The following PIEZO2 variants were observed in gnomAD, a reference collection of about 807,000 sequenced individuals.
The protein encoded by PIEZO2 is piezo-type mechanosensitive ion channel component 2.
PIEZO2 carries 172 observed loss-of-function variants against 337.3 expected under a neutral mutation model. That is an observed-to-expected ratio of 0.51 (90% CI 0.45 to 0.58). The LOEUF (loss-of-function observed/expected upper bound fraction) is 0.58. Ranked by LOEUF, PIEZO2 falls within the 20% of genes least tolerant of loss-of-function variation. The pLI is 0.00. For missense variants in PIEZO2, 3,028 were observed against 3,391.3 expected, an observed-to-expected ratio of 0.89 and a Z score of 2.66; for synonymous variants, 1,251 against 1,228.5, an observed-to-expected ratio of 1.02 and a Z score of -0.38.
intron 1 of PIEZO2, among the ~76,000 whole-genome samples, chr18:11,084,296 A>T (rs6416986): frequency 0.4 from 60,371 of 152,004 alleles, 12,421 homozygotes; most frequent in South Asian, 0.59. Flanking sequence ...TGTTGAATCA[A>T]TCAAATTTTG....
intron 3 of PIEZO2, among the ~76,000 whole-genome samples, chr18:10,915,806 TCACTGACTTCAAGAATG>T (rs1413229833): frequency 6.6e-6 from 1 of 152,174 alleles, no homozygotes; most frequent in Non-Finnish European, 1.5e-5. Flanking sequence ...GTTCTTGGTC[TCACTGACTTCAAGAATG>T]AAGCCGCAGA....
Position 10,697,845 on chromosome 18 carries a change from T to A in PIEZO2, c.6730A>T (p.Ser2244Cys). 9.3e-6 allele frequency: 15 copies of A among 1,614,126 alleles called. No individual in the cohort carries two copies. The highest frequency in any genetic ancestry group is 1.3e-5 in the Non-Finnish European group (15 of 1,179,966). Residue 2244 changes from serine to cysteine, a missense_variant, in exon 45 of 56, where the codon AGC becomes TGC. Around this residue, in one of 5 missense-constraint regions of PIEZO2, gnomAD observed 1,925 missense variants for 2,051.9 expected, o/e 0.94. Transcript: ENST00000674853. ...TTTTGCTTAATACTCAAAACACTGC[T>A]TCCTTTTTGACTGCTGTTTCGGGTG... Reference protein sequence around the residue: ...TSTRNSSQKGSSVLSIKQKGK... With the variant: ...TSTRNSSQKGCSVLSIKQKGK...
intron 31 of PIEZO2, among the ~76,000 whole-genome samples, chr18:10,743,029 G>A (rs997942261): frequency 3.9e-5 from 6 of 152,092 alleles, no homozygotes; most frequent in Non-Finnish European, 7.4e-5. Context: ...ATTTAGCAAA[G>A]AGAATTACAG....
At chr18:11,046,556 G>C (rs192304044) in intron 2 of PIEZO2, among the ~76,000 whole-genome samples, 1 of 152,242 alleles carries the variant, frequency 6.6e-6, no homozygotes, top group African/African-American at 2.4e-5. Context: ...GAGAGTGCAC[G>C]CGTCCACACA....
intron 3 of PIEZO2, among the ~76,000 whole-genome samples, chr18:10,928,420 T>C (rs1010574102): frequency 6.6e-6 from 1 of 152,256 alleles, no homozygotes; most frequent in Non-Finnish European, 1.5e-5. Flanking sequence ...CACGCTTGAT[T>C]TGTTTTATTT....
At chr18:10,947,908 A>G (rs1249883821) in intron 3 of PIEZO2, among the ~76,000 whole-genome samples, 1 of 152,222 alleles carries the variant, frequency 6.6e-6, no homozygotes, top group Non-Finnish European at 1.5e-5. Context: ...ATTGTGATAA[A>G]TTAAAGGTGA....
rs531867553 is a variant in PIEZO2 at position 10,988,911 on chromosome 18, G to T, written c.161-9251C>A. Among the ~76,000 whole-genome samples, 18 of 152,108 alleles carry T rather than the reference G, an allele frequency of 1.2e-4. No individual in the cohort carries two copies. The highest frequency in any genetic ancestry group is 2.2e-4 in the Non-Finnish European group (15 of 68,012). On this transcript the variant is annotated intron_variant, in intron 2 of 55. Coordinates refer to ENST00000674853, the MANE Select transcript of PIEZO2 (RefSeq NM_001378183.1). The surrounding 1 kb of genome is among the most constrained non-coding windows in gnomAD (Gnocchi z 4.8). ...TGTAGAAGCAGAGAGTAGAATGGTGGTTATAAGGGGCTGGGGGTGGAGAGC... is the reference window on the plus strand; with the variant it reads ...TGTAGAAGCAGAGAGTAGAATGGTGTTTATAAGGGGCTGGGGGTGGAGAGC...
chr18:11,064,440 G>A (rs1187707776), intron 2 of PIEZO2, among the ~76,000 whole-genome samples: 1 of 152,164 alleles, frequency 6.6e-6, no homozygotes, highest in African/African-American at 2.4e-5. Context: ...CAGTGCACCT[G>A]TTTGTGCTCT....
chr18:10,807,163 C>T lies in PIEZO2; in HGVS notation c.1029G>A (p.Val343=), dbSNP rs1186585558. 6.5e-7 allele frequency: 1 copy of T among 1,537,264 alleles called. No homozygotes were observed. Among genetic ancestry groups the T allele is most frequent in the Non-Finnish European group, 8.7e-7 (1 of 1,146,902 alleles). ...TCAGAGTGGCCAGAGTGTAGTACAT[C>T]ACCAGCAGGAGGATAGGGTTGGCGT... ...YHHANPILLL[V]MYYTLATLIR... Residue 343 remains valine, a synonymous_variant, in exon 8 of 56, where the codon GTG becomes GTA. Transcript: ENST00000674853.
In PIEZO2 at chr18:11,101,242, C is replaced by T. The variant is rs57438207; in HGVS notation, c.65-35020G>A. Among the ~76,000 whole-genome samples the T allele has an allele frequency of 0.081, 12,321 of 152,274 alleles. 1,009 individuals carry two copies. Among genetic ancestry groups the T allele is most frequent in the African/African-American group, 0.21 (8,778 of 41,526 alleles). The stretch of plus-strand genomic sequence containing the variant: ...CTGACCTCCCTAATCCTCAAGAACA[C>T]TCCTTCCGACTTCCAAACTTCCTCT... On this transcript the variant is annotated intron_variant, in intron 1 of 55. Coordinates refer to ENST00000674853, the MANE Select transcript of PIEZO2 (RefSeq NM_001378183.1). The surrounding 1 kb of genome is among the most constrained non-coding windows in gnomAD (Gnocchi z 4.4).
chr18:11,025,169 C>G (rs1225191509), intron 2 of PIEZO2, among the ~76,000 whole-genome samples: 1 of 152,152 alleles, frequency 6.6e-6, no homozygotes, highest in East Asian at 1.9e-4. Context: ...CCTCAACACA[C>G]TCTGCCCTGC....
intron 2 of PIEZO2, among the ~76,000 whole-genome samples, chr18:10,995,211 T>C (rs1351328571): frequency 6.6e-6 from 1 of 152,194 alleles, no homozygotes; most frequent in Non-Finnish European, 1.5e-5. Flanking sequence ...TTGATTTGCA[T>C]TTCCCTGATC....
intron 27 of PIEZO2, among the ~76,000 whole-genome samples, chr18:10,756,133 G>A (rs1360049505): frequency 3.3e-5 from 5 of 150,810 alleles, no homozygotes; most frequent in African/African-American, 4.9e-5. Flanking sequence ...GGAGGATGAG[G>A]AGGAGGGATG....
At chr18:10,897,255 C>T (rs979520429) in intron 4 of PIEZO2, among the ~76,000 whole-genome samples, 7 of 151,834 alleles carry the variant, frequency 4.6e-5, no homozygotes, top group Non-Finnish European at 7.4e-5. Flanking sequence ...GGTGCAACCT[C>T]GGCTCACTGC....
Position 11,094,748 on chromosome 18 carries a change from T to A in PIEZO2, c.65-28526A>T, listed in dbSNP as rs867953317. Among the ~76,000 whole-genome samples, 10 of 152,362 alleles carry A rather than the reference T, an allele frequency of 6.6e-5. No individual in the cohort carries two copies. Among genetic ancestry groups the A allele is most frequent in the Middle Eastern group, 6.8e-3 (2 of 294 alleles). Reference sequence around the variant, plus strand: ...TGGATGAAGAGCTGATTATTCTATATAAATTATAAAATATCTTTAAACATT... The same window carrying A: ...TGGATGAAGAGCTGATTATTCTATAAAAATTATAAAATATCTTTAAACATT... On this transcript the variant is annotated intron_variant, in intron 1 of 55. Transcript: ENST00000674853. This position sits in a 1 kb window ranked among gnomAD's most constrained non-coding sequence, Gnocchi z 4.4.
Position 10,821,987 on chromosome 18 carries a change from G to A in PIEZO2, c.918-14713C>T, listed in dbSNP as rs917299822. Among the ~76,000 whole-genome samples the A allele has an allele frequency of 1.1e-4, 17 of 152,234 alleles. No individual in the cohort carries two copies. The highest frequency in any genetic ancestry group is 4.1e-4 in the African/African-American group (17 of 41,550). On this transcript the variant is annotated intron_variant, in intron 7 of 55. Coordinates refer to ENST00000674853, the MANE Select transcript of PIEZO2 (RefSeq NM_001378183.1). The surrounding 1 kb of genome is among the most constrained non-coding windows in gnomAD (Gnocchi z 4.2). ...GTAATGAAAATAGATTTTCTAACAA[G>A]TTTCTTACCTTCTAAAATGTGTTTC...
chr18:10,804,088 T>C, intron 8 of PIEZO2, 94 bp from the exon 9 acceptor site: 1 of 1,409,378 alleles, frequency 7.1e-7, no homozygotes, highest in South Asian at 1.4e-5. Context: ...TGGCTCAGTA[T>C]GATGACTTTT....
At chr18:10,907,249 C>T (rs1448155067) in intron 4 of PIEZO2, among the ~76,000 whole-genome samples, 1 of 151,974 alleles carries the variant, frequency 6.6e-6, no homozygotes, top group Non-Finnish European at 1.5e-5. Flanking sequence ...TCAAGACTAG[C>T]CTGGCCAACA....
chr18:11,147,101 G>GTAAGGC lies in PIEZO2; in HGVS notation c.64+1418_64+1423dup, dbSNP rs1366668270. On this transcript the variant is annotated intron_variant, in intron 1 of 55. Coordinates refer to ENST00000674853, the MANE Select transcript of PIEZO2 (RefSeq NM_001378183.1). ...CCCTGAGCAGTGACACCCTCTGTGT[G>GTAAGGC]TAAGGCACCTGAAGAATCCCTTTCC... 3.3e-5 allele frequency among the ~76,000 whole-genome samples: 5 copies of GTAAGGC among 152,332 alleles called. No individual in the cohort carries two copies. In the East Asian group the frequency reaches 9.7e-4, roughly 29 times the overall value.
Sources: allele counts gnomAD v4.1 joint callset (sites outside exome capture counted in the v4.1 genomes callset), GRCh38; gene constraint gnomAD v4.1.1; regional missense constraint gnomAD v4.1.1; non-coding constraint Gnocchi (gnomAD v3.1); transcripts MANE v1.5; gene names NCBI Gene and HGNC (gene_info 2026-07-23, HGNC 2026-07-21).